DPF3: variants seen among roughly 807,000 people sequenced by gnomAD.
DPF3 encodes double PHD fingers 3.
In DPF3, 18 loss-of-function variants were observed where a neutral mutation model predicts 56.8. The observed-to-expected ratio is 0.32, with a 90% CI of 0.22 to 0.47. The LOEUF (loss-of-function observed/expected upper bound fraction) is 0.47, where lower values mean the gene tolerates loss of function less well. Among genes scored for constraint, DPF3 ranks in the 20% least tolerant of loss-of-function variants. DPF3 has a pLI of 1.00. For missense variants in DPF3, 403 were observed against 488.8 expected (o/e 0.82, Z 1.65); for synonymous variants, 188 against 180.2 (o/e 1.04, Z -0.35).
chr14:72,671,531 C>A (rs1328186824), intron 8 of DPF3: 2 of 813,498 alleles, frequency 2.5e-6, no homozygotes, highest in Admixed American at 1.7e-5. Flanking sequence ...GAAGAGGCTT[C>A]CCCCACTCCC....
chr14:72,827,578 C>G (rs560154659), intron 1 of DPF3, among the ~76,000 whole-genome samples: 1 of 140,882 alleles, frequency 7.1e-6, no homozygotes, highest in African/African-American at 2.7e-5. Context: ...CAAGTTCAAG[C>G]GATTCTCCCT....
intron 1 of DPF3, among the ~76,000 whole-genome samples, chr14:72,863,768 G>C (rs1436325564): frequency 6.6e-6 from 1 of 152,158 alleles, no homozygotes; most frequent in East Asian, 1.9e-4. Context: ...AGAGTGGCTA[G>C]CATAGACACA....
In DPF3 at chr14:72,612,467, A is replaced by G. The variant is rs1428372625; in HGVS notation, c.*6830T>C. 16 of 518,616 alleles carry G rather than the reference A, an allele frequency of 3.1e-5. No individual in the cohort carries two copies. Among genetic ancestry groups the G allele is most frequent in the Non-Finnish European group, 5.8e-5 (15 of 259,806 alleles). The allele number at this position is 518,616 out of a possible 1,614,324, so 32.1% of individuals were successfully genotyped here. ...CTAGTACCTAATTTAGGCTTCTTCA[A>G]CTACATGTTGAAAATGTGCACGGGG... On this transcript the variant is annotated 3_prime_UTR_variant, in exon 11 of 11. Transcript: ENST00000556509.
chr14:72,661,262 C>A lies in DPF3; in HGVS notation c.871+12978G>T, dbSNP rs146924767. 7.1e-6 allele frequency: 7 copies of A among 985,274 alleles called. No homozygotes were observed. The African/African-American group carries it at 1.2e-4, about 17-fold the overall frequency. 61.0% of individuals were successfully genotyped at this position (985,274 alleles called of 1,614,324 possible). A position where few individuals can be genotyped will look rare whatever the true frequency, so the allele number is the denominator to read the frequency against. On this transcript the variant is annotated intron_variant, in intron 8 of 10. Coordinates refer to ENST00000556509, the MANE Select transcript of DPF3 (RefSeq NM_001280542.3). Reference sequence around the variant, plus strand: ...GGCTACAAAATGATACAGACACTCTCGGTGATCCCCTCCACCAACAGGACT... The same window carrying A: ...GGCTACAAAATGATACAGACACTCTAGGTGATCCCCTCCACCAACAGGACT...
At chr14:72,744,786 G>A (rs1567219169) in intron 3 of DPF3, among the ~76,000 whole-genome samples, 1 of 152,058 alleles carries the variant, frequency 6.6e-6, no homozygotes, top group African/African-American at 2.4e-5. Flanking sequence ...GGGACAAGCT[G>A]AATGTTGGCA....
chr14:72,692,786 T>G (rs1887745678), intron 7 of DPF3, among the ~76,000 whole-genome samples: 1 of 152,202 alleles, frequency 6.6e-6, no homozygotes, highest in Non-Finnish European at 1.5e-5. Flanking sequence ...AGGTCTGGCA[T>G]CTGACAGTGG....
intron 8 of DPF3, among the ~76,000 whole-genome samples, chr14:72,633,369 A>G (rs2153567297): frequency 6.6e-6 from 1 of 152,254 alleles, no homozygotes; most frequent in Admixed American, 6.5e-5. Flanking sequence ...GGAATGAGGA[A>G]GTATCTAGGG....
At chr14:72,818,415 C>T (rs1370341520) in intron 1 of DPF3, among the ~76,000 whole-genome samples, 1 of 152,038 alleles carries the variant, frequency 6.6e-6, no homozygotes, top group Non-Finnish European at 1.5e-5. Context: ...TGTGGTGGCT[C>T]ATACCTGTAA....
At chr14:72,777,814 T>A (rs540515737) in intron 1 of DPF3, among the ~76,000 whole-genome samples, 1 of 152,296 alleles carries the variant, frequency 6.6e-6, no homozygotes, top group East Asian at 1.9e-4. Context: ...GTAAGTTTCC[T>A]GAGGGCTCCC....
chr14:72,812,709 T>C (rs1224613370), intron 1 of DPF3, among the ~76,000 whole-genome samples: 2 of 152,064 alleles, frequency 1.3e-5, no homozygotes, highest in Non-Finnish European at 2.9e-5. Flanking sequence ...ATGCCACTTG[T>C]CATGTACACT....
chr14:72,781,908 G>A (rs1019945223), intron 1 of DPF3, among the ~76,000 whole-genome samples: 3 of 152,188 alleles, frequency 2.0e-5, no homozygotes, highest in South Asian at 2.1e-4. Context: ...ATCATACCTA[G>A]AAAGAAAACA....
intron 9 of DPF3, among the ~76,000 whole-genome samples, chr14:72,626,925 CTTT>C (rs201737812): frequency 7.2e-6 from 1 of 139,704 alleles, no homozygotes. Flanking sequence ...TGCATTTGAA[CTTT>C]TTTTTTTTTT....
At chr14:72,730,009 T>C (rs1020942962) in intron 4 of DPF3, among the ~76,000 whole-genome samples, 14 of 152,138 alleles carry the variant, frequency 9.2e-5, no homozygotes, top group African/African-American at 2.9e-4. Flanking sequence ...GGGGAGGCTA[T>C]ACCAGGGGTA....
chr14:72,676,752 A>C (rs1478094952), intron 7 of DPF3, among the ~76,000 whole-genome samples: 3 of 152,170 alleles, frequency 2.0e-5, no homozygotes, highest in African/African-American at 7.2e-5. Context: ...TTCTGCCGTG[A>C]TTGTGAGGCC....
At chr14:72,793,668 T>C (rs1286046892) in intron 1 of DPF3, among the ~76,000 whole-genome samples, 1 of 152,060 alleles carries the variant, frequency 6.6e-6, no homozygotes, top group African/African-American at 2.4e-5. Flanking sequence ...AAAGATGGGG[T>C]GGGGAAGCCC....
intron 10 of DPF3, 124 bp downstream of exon 10, chr14:72,619,779 A>T: frequency 1.0e-6 from 1 of 957,394 alleles, no homozygotes; most frequent in Non-Finnish European, 1.5e-6. Flanking sequence ...TGTGATGATT[A>T]AATGAGACAA....
intron 1 of DPF3, among the ~76,000 whole-genome samples, chr14:72,807,171 T>C (rs1882819230): frequency 6.6e-6 from 1 of 152,188 alleles, no homozygotes; most frequent in African/African-American, 2.4e-5. Context: ...ATTTCACCTA[T>C]TCAGGACACA....
chr14:72,715,897 T>C (rs1259589959), intron 5 of DPF3, among the ~76,000 whole-genome samples: 1 of 143,388 alleles, frequency 7.0e-6, no homozygotes, highest in Admixed American at 6.9e-5. Flanking sequence ...TCGCCCTCAT[T>C]ACTCAGAGTT....
At position 72,689,204 on chromosome 14, in the gene DPF3, TG is replaced by T. The variant is rs1887567655; in HGVS notation, c.742+3871del. On this transcript the variant is annotated intron_variant, in intron 7 of 10. Transcript: ENST00000556509. Reference sequence around the variant, plus strand: ...CCATGGGCTCTGCTGAAGACAAAGCTGGGGGGCGATAGAGCAAGCGACAGCA... The same window carrying T: ...CCATGGGCTCTGCTGAAGACAAAGCTGGGGGCGATAGAGCAAGCGACAGCA... Among the ~76,000 whole-genome samples, 3 of 151,928 alleles carry T rather than the reference TG, an allele frequency of 2.0e-5. No homozygotes were observed. In the South Asian group the frequency reaches 6.3e-4, roughly 32 times the overall value.
Sources: gnomAD v4.1 joint callset for allele counts (sites outside exome capture counted in the v4.1 genomes callset) on GRCh38, gnomAD v4.1.1 for gene constraint, MANE v1.5 for transcripts, NCBI Gene and HGNC (gene_info 2026-07-23, HGNC 2026-07-21) for gene names.